The following CNTN5 variants were observed in gnomAD, a reference collection of about 807,000 sequenced individuals.
CNTN5 encodes the protein contactin 5.
CNTN5 carries 77 observed loss-of-function variants against 129.1 expected under a neutral mutation model. The ratio of observed to expected loss-of-function variants is 0.60; its 90% CI spans 0.50 to 0.72. The LOEUF (loss-of-function observed/expected upper bound fraction) is 0.72, where lower values mean the gene tolerates loss of function less well. CNTN5 is among the 30% of genes least tolerant of loss of function. The probability of loss-of-function intolerance (pLI) is 0.00; values close to 1 mark genes in which losing one functional copy is unlikely to be tolerated. For synonymous variants in CNTN5, 509 were observed against 465.6 expected, an observed-to-expected ratio of 1.09 and a Z score of -1.20; for missense variants, 1,478 against 1,328.8, an observed-to-expected ratio of 1.11 and a Z score of -1.75.
At chr11:99,173,079 G>A (rs2135545535) in intron 1 of CNTN5, among the ~76,000 whole-genome samples, 1 of 152,258 alleles carries the variant, frequency 6.6e-6, no homozygotes, top group Admixed American at 6.5e-5. Flanking sequence ...CAGATCTTGT[G>A]AGACCCACTC....
chr11:99,818,719 T>A (rs1360310839), intron 3 of CNTN5, among the ~76,000 whole-genome samples: 2 of 152,192 alleles, frequency 1.3e-5, no homozygotes, highest in Non-Finnish European at 2.9e-5. Flanking sequence ...TTATTGTTTC[T>A]TATGGACATA....
intron 2 of CNTN5, among the ~76,000 whole-genome samples, chr11:99,496,323 G>A (rs1046982579): frequency 4.6e-5 from 7 of 152,154 alleles, no homozygotes; most frequent in Admixed American, 4.6e-4. Context: ...CGCCAGGCTG[G>A]AGTGCAGTGG....
Position 99,777,840 on chromosome 11 carries a change from C to T in CNTN5, c.56-41704C>T, listed in dbSNP as rs187015371. On this transcript the variant is annotated intron_variant, in intron 3 of 24. Transcript: ENST00000524871. ...TGGATTACTTTCACATACATATGTA[C>T]GATTTTACCTAATCACTCCATCCAC... Among the ~76,000 whole-genome samples the T allele has an allele frequency of 3.4e-3, 509 of 151,754 alleles. 1 individual carries two copies. Among genetic ancestry groups the T allele is most frequent in the Middle Eastern group, 3.4e-3 (1 of 294 alleles).
intron 21 of CNTN5, among the ~76,000 whole-genome samples, chr11:100,328,397 A>G (rs1951832628): frequency 6.6e-6 from 1 of 152,146 alleles, no homozygotes; most frequent in Non-Finnish European, 1.5e-5. Context: ...TTGCAATCCT[A>G]TGAAGAACTA....
chr11:99,390,451 A>C (rs1367918511), intron 2 of CNTN5, among the ~76,000 whole-genome samples: 5 of 152,222 alleles, frequency 3.3e-5, no homozygotes, highest in Non-Finnish European at 7.3e-5. Flanking sequence ...AAAGATTTTA[A>C]AACAAATATA....
intron 8 of CNTN5, among the ~76,000 whole-genome samples, chr11:99,980,807 T>C (rs1199993774): frequency 1.3e-5 from 2 of 151,946 alleles, no homozygotes; most frequent in African/African-American, 4.8e-5. Context: ...CAAGACAAAA[T>C]TGATTCTTTT....
At chr11:99,947,141 A>G (rs2136133496) in intron 7 of CNTN5, among the ~76,000 whole-genome samples, 1 of 151,968 alleles carries the variant, frequency 6.6e-6, no homozygotes, top group African/African-American at 2.4e-5. Flanking sequence ...TTGTAGAATA[A>G]GAAAGAAAAT....
rs1946727133 is a variant in CNTN5 at position 99,819,650 on chromosome 11, C to T, written c.162C>T (p.Tyr54=). ...TTGGTTCCAAAACCAGACCACGATA[C>T]AGCAGCCCTTCATTAGGAACACTGA... The part of the protein sequence containing the change: ...SLFGSKTRPR[Y]SSPSLGTLSA... The change falls in exon 4 of 25, where the codon TAC becomes TAT. Residue 54 remains tyrosine (Y), a synonymous_variant. Transcript: ENST00000524871. 1.9e-6 allele frequency: 3 copies of T among 1,613,000 alleles called. No homozygotes were observed.
At chr11:99,880,445 C>T (rs555145012) in intron 6 of CNTN5, among the ~76,000 whole-genome samples, 2 of 151,828 alleles carry the variant, frequency 1.3e-5, no homozygotes, top group African/African-American at 2.4e-5. Context: ...TTTTTTCACT[C>T]GTGGTTAATG....
chr11:99,552,787 C>T (rs899751038), intron 2 of CNTN5, among the ~76,000 whole-genome samples: 1 of 152,082 alleles, frequency 6.6e-6, no homozygotes, highest in African/African-American at 2.4e-5. Flanking sequence ...GTGAAACCAG[C>T]AGTCTGTAAT....
At chr11:99,250,667 A>G (rs893345539) in intron 1 of CNTN5, among the ~76,000 whole-genome samples, 18 of 151,938 alleles carry the variant, frequency 1.2e-4, no homozygotes, top group African/African-American at 2.2e-4. Context: ...TGAAACAGTC[A>G]TCTATGGAAG....
chr11:99,984,355 AAAAGG>A (rs1476740040), intron 8 of CNTN5, among the ~76,000 whole-genome samples: 3 of 152,034 alleles, frequency 2.0e-5, no homozygotes, highest in East Asian at 3.8e-4. Flanking sequence ...TGAGAAAAGG[AAAAGG>A]AAAGGAAAGG....
At chr11:99,667,212 T>C (rs941803670) in intron 3 of CNTN5, among the ~76,000 whole-genome samples, 41 of 152,128 alleles carry the variant, frequency 2.7e-4, no homozygotes, top group Admixed American at 2.7e-3. Context: ...TTGTATGAAC[T>C]TTATTTTAAA....
At chr11:99,784,633 C>T (rs1426585247) in intron 3 of CNTN5, among the ~76,000 whole-genome samples, 1 of 151,804 alleles carries the variant, frequency 6.6e-6, no homozygotes, top group Non-Finnish European at 1.5e-5. Flanking sequence ...GTTCTAGATC[C>T]CTGAAGAATT....
intron 9 of CNTN5, among the ~76,000 whole-genome samples, chr11:100,002,545 C>A (rs1320767785): frequency 6.6e-6 from 1 of 152,050 alleles, no homozygotes; most frequent in Non-Finnish European, 1.5e-5. Context: ...AGATAAAAAT[C>A]ATGAGGATAA....
chr11:99,792,420 C>T (rs1325415995), intron 3 of CNTN5, among the ~76,000 whole-genome samples: 1 of 151,856 alleles, frequency 6.6e-6, no homozygotes, highest in Admixed American at 6.6e-5. Flanking sequence ...GTTGAACCCA[C>T]CTTACTTGAC....
intron 3 of CNTN5, among the ~76,000 whole-genome samples, chr11:99,702,293 A>C (rs1247952377): frequency 6.6e-6 from 1 of 150,988 alleles, no homozygotes; most frequent in Non-Finnish European, 1.5e-5. Flanking sequence ...AATAATGAAA[A>C]ATTTGGACAT....
intron 9 of CNTN5, among the ~76,000 whole-genome samples, chr11:100,035,661 T>G (rs1361760129): frequency 2.2e-4 from 31 of 143,492 alleles, no homozygotes; most frequent in Non-Finnish European, 4.4e-4. Flanking sequence ...ATGATCGCCA[T>G]TCTAACTGGT....
intron 3 of CNTN5, among the ~76,000 whole-genome samples, chr11:99,757,597 C>G (rs1944444500): frequency 6.6e-6 from 1 of 152,024 alleles, no homozygotes; most frequent in Non-Finnish European, 1.5e-5. Context: ...CTCGTTTTAA[C>G]TTGATTATAT....
Sources: gnomAD v4.1 joint callset for allele counts (sites outside exome capture counted in the v4.1 genomes callset) on GRCh38, gnomAD v4.1.1 for gene constraint, MANE v1.5 for transcripts, NCBI Gene and HGNC (gene_info 2026-07-23, HGNC 2026-07-21) for gene names.